VPS13C: variants seen among roughly 807,000 people sequenced by gnomAD.
The protein encoded by VPS13C is vacuolar protein sorting 13 homolog C.
Under a neutral mutation model 456.8 loss-of-function variants are expected in VPS13C, and 358 were observed. The ratio of observed to expected loss-of-function variants is 0.78; its 90% CI spans 0.72 to 0.86. The LOEUF (loss-of-function observed/expected upper bound fraction) is 0.86, where lower values mean the gene tolerates loss of function less well. VPS13C is among the 40% of genes least tolerant of loss of function. The pLI is 0.00. For synonymous variants in VPS13C, 1,578 were observed against 1,486.7 expected (o/e 1.06, Z -1.41); for missense variants, 4,818 against 4,385.4 (o/e 1.10, Z -2.79).
At chr15:62,050,730 G>C (rs1324062725) in intron 1 of VPS13C, among the ~76,000 whole-genome samples, 1 of 151,312 alleles carries the variant, frequency 6.6e-6, no homozygotes, top group Non-Finnish European at 1.5e-5. Context: ...CGAACCAGAA[G>C]GGCAGAGGTT....
At chr15:61,854,612 G>C (rs148520843) in intron 84 of VPS13C, 54 bp from the exon 85 acceptor site, 2 of 1,572,232 alleles carry the variant, frequency 1.3e-6, no homozygotes, top group African/African-American at 2.7e-5. Flanking sequence ...GGCTCATTTG[G>C]TTGAAGGGAA....
intron 15 of VPS13C, among the ~76,000 whole-genome samples, chr15:62,003,260 T>A (rs2046702967): frequency 6.6e-6 from 1 of 151,040 alleles, no homozygotes; most frequent in Non-Finnish European, 1.5e-5. Context: ...GATTCCTAGG[T>A]ATTTTATTCT....
intron 18 of VPS13C, among the ~76,000 whole-genome samples, chr15:61,985,460 TTGGTCAGA>T (rs990668772): frequency 1.1e-4 from 16 of 152,144 alleles, no homozygotes; most frequent in African/African-American, 3.9e-4. Context: ...TTTCACCATG[TTGGTCAGA>T]CTGGTCTCGA....
chr15:61,888,970 C>T lies in VPS13C; in HGVS notation c.9341+1195G>A, dbSNP rs571762849. ...AATAGGGGAAACAAGAGTGCGGGTACGTGAAAACTCTTTATTTTACAGTTT... is the reference window on the plus strand; with the variant it reads ...AATAGGGGAAACAAGAGTGCGGGTATGTGAAAACTCTTTATTTTACAGTTT... On this transcript the variant is annotated intron_variant, in intron 67 of 84. Coordinates refer to ENST00000644861, the MANE Select transcript of VPS13C (RefSeq NM_020821.3). Among the ~76,000 whole-genome samples the T allele has an allele frequency of 4.4e-4, 67 of 152,056 alleles. 2 individuals carry two copies. The South Asian group carries it at 0.012, about 28-fold the overall frequency.
rs929313469 is a variant in VPS13C, at chr15:61,958,743, A to G, written c.4057-27T>C. The G allele has an allele frequency of 3.3e-6, 4 of 1,224,592 alleles. No individual in the cohort carries two copies. In the African/African-American group the frequency reaches 6.3e-5, roughly 19 times the overall value. 75.9% of individuals were successfully genotyped at this position (1,224,592 alleles called of 1,614,324 possible). On this transcript the variant is annotated intron_variant, in intron 36 of 84. Coordinates refer to ENST00000644861, the MANE Select transcript of VPS13C (RefSeq NM_020821.3). ...TGTAAAATATTATGTTAAAAAAAAA[A>G]CTATATTACGTTTTAAAATGAAACA...
intron 47 of VPS13C, among the ~76,000 whole-genome samples, chr15:61,937,224 C>T (rs1389968285): frequency 6.6e-6 from 1 of 152,190 alleles, no homozygotes; most frequent in Non-Finnish European, 1.5e-5. Flanking sequence ...ATATATGCAT[C>T]TGGACATACA....
chr15:61,967,516 G>A (rs1404056189), intron 28 of VPS13C, 69 bp from the exon 29 acceptor site: 37 of 1,264,160 alleles, frequency 2.9e-5, no homozygotes, highest in East Asian at 2.4e-5. Flanking sequence ...AAACATTTTA[G>A]ATTTTTAAAA....
chr15:62,041,829 A>T (rs2048252933), intron 2 of VPS13C, among the ~76,000 whole-genome samples: 1 of 152,148 alleles, frequency 6.6e-6, no homozygotes, highest in Non-Finnish European at 1.5e-5. Flanking sequence ...CAAAAAAAAA[A>T]ATTATAACTT....
chr15:61,952,690 A>G (rs1022987252), intron 38 of VPS13C, among the ~76,000 whole-genome samples: 4 of 152,240 alleles, frequency 2.6e-5, no homozygotes, highest in South Asian at 4.2e-4. Flanking sequence ...AGTAGAGCCC[A>G]TTCCTTTAAA....
At chr15:61,928,054 AG>A (rs1217487157) in intron 51 of VPS13C, among the ~76,000 whole-genome samples, 4 of 92,760 alleles carry the variant, frequency 4.3e-5, no homozygotes, top group Admixed American at 1.2e-4. Context: ...GGGTTGGGGG[AG>A]GGGGGAGGGA....
chr15:62,038,089 A>G (rs1021881845), intron 3 of VPS13C, among the ~76,000 whole-genome samples: 1 of 152,188 alleles, frequency 6.6e-6, no homozygotes, highest in Non-Finnish European at 1.5e-5. Flanking sequence ...AGGATGTAGC[A>G]TAAGTAAAAT....
intron 52 of VPS13C, among the ~76,000 whole-genome samples, chr15:61,926,634 AACTG>A (rs2043858685): frequency 1.3e-5 from 2 of 152,370 alleles, no homozygotes; most frequent in Non-Finnish European, 2.9e-5. Flanking sequence ...TGTGGTAATT[AACTG>A]ACTAAAATCA....
At position 61,954,552 on chromosome 15, in the gene VPS13C, C is replaced by T; in HGVS notation, c.4168G>A (p.Glu1390Lys). The change falls in exon 38 of 85, where the codon GAA becomes AAA. Residue 1390 changes from glutamate to lysine, a missense_variant and splice_region_variant. Coordinates refer to ENST00000644861, the MANE Select transcript of VPS13C (RefSeq NM_020821.3). ...GAGATTTCAAGGGGCTCTTTAATTTCACCTGAAATGTTTAAAAGAAATTCA... is the reference window on the plus strand; with the variant it reads ...GAGATTTCAAGGGGCTCTTTAATTTTACCTGAAATGTTTAAAAGAAATTCA... ...KVKPRVQETG[E>K]IKEPLEISIS... is the part of the protein sequence containing the mutation. 6.4e-7 allele frequency: 1 copy of T among 1,572,130 alleles called. No individual in the cohort carries two copies. Among genetic ancestry groups the T allele is most frequent in the South Asian group, 1.2e-5 (1 of 81,854 alleles).
chr15:62,009,375 G>A (rs940240460), intron 13 of VPS13C, among the ~76,000 whole-genome samples: 9 of 150,066 alleles, frequency 6.0e-5, no homozygotes, highest in African/African-American at 2.2e-4. Flanking sequence ...AAAAAAAAAA[G>A]GGGGCAAGTC....
chr15:61,854,770 T>A lies in VPS13C; in HGVS notation c.11160+101A>T, dbSNP rs2241491. ...GTTTATATATCCATCCATAGTTATA[T>A]TTGGGAGAGCTTTGGGAGAAATAAT... On this transcript the variant is annotated intron_variant, in intron 84 of 84. Coordinates refer to ENST00000644861, the MANE Select transcript of VPS13C (RefSeq NM_020821.3). The A allele has an allele frequency of 0.54, 635,449 of 1,169,994 alleles. 174,526 individuals are homozygous for A. The highest frequency in any genetic ancestry group is 0.65 in the Admixed American group (25,620 of 39,238). 72.5% of individuals were successfully genotyped at this position (1,169,994 alleles called of 1,614,324 possible).
Position 61,875,886 on chromosome 15 carries a change from T to C in VPS13C, c.10225-41A>G. On this transcript the variant is annotated intron_variant, in intron 75 of 84. Coordinates refer to ENST00000644861, the MANE Select transcript of VPS13C (RefSeq NM_020821.3). ...AATTAAATTAAGTCCTTCACAACTA[T>C]TGTAAGAAACATCATAATGAAATAG... 6.2e-6 allele frequency: 8 copies of C among 1,292,692 alleles called. No individual in the cohort carries two copies. The South Asian group carries it at 7.0e-5, about 11-fold the overall frequency. The allele number at this position is 1,292,692 out of a possible 1,614,324, so 80.1% of individuals were successfully genotyped here.
intron 47 of VPS13C, among the ~76,000 whole-genome samples, chr15:61,937,762 G>C (rs963067812): frequency 6.6e-6 from 1 of 151,958 alleles, no homozygotes; most frequent in Non-Finnish European, 1.5e-5. Flanking sequence ...GCGTGATCAA[G>C]TTTCTTAATC....
chr15:61,961,472 TC>T (rs2045205266), intron 35 of VPS13C, 116 bp downstream of exon 35: 8 of 972,714 alleles, frequency 8.2e-6, no homozygotes, highest in Non-Finnish European at 1.2e-5. Flanking sequence ...AAAAAACTGT[TC>T]CGTGTAATGG....
intron 3 of VPS13C, among the ~76,000 whole-genome samples, chr15:62,040,569 AG>A (rs772008453): frequency 6.6e-6 from 1 of 152,034 alleles, no homozygotes; most frequent in South Asian, 2.1e-4. Context: ...GGATTGAAGG[AG>A]GGGGGTGGAG....
Sources: gnomAD v4.1 joint callset for allele counts (sites outside exome capture counted in the v4.1 genomes callset) on GRCh38, gnomAD v4.1.1 for gene constraint, MANE v1.5 for transcripts, NCBI Gene and HGNC (gene_info 2026-07-23, HGNC 2026-07-21) for gene names.